SELENOO: variants seen among roughly 807,000 people sequenced by gnomAD.
The protein encoded by SELENOO is protein adenylyltransferase SelO, mitochondrial.
A neutral mutation model predicts 58.7 loss-of-function variants in SELENOO; 74 were observed. That is an observed-to-expected ratio of 1.26 (90% CI 1.04 to 1.53). The LOEUF is 1.53. Ranked by LOEUF, SELENOO falls within the 40% of genes most tolerant of loss-of-function variation. The probability of loss-of-function intolerance (pLI) is 0.00; values close to 1 mark genes in which losing one functional copy is unlikely to be tolerated. For synonymous variants in SELENOO, 543 were observed against 453.2 expected, an observed-to-expected ratio of 1.20 and a Z score of -2.52; for missense variants, 1,149 against 970.0, an observed-to-expected ratio of 1.18 and a Z score of -2.45.
At position 50,201,078 on chromosome 22, in the gene SELENOO, T is replaced by G. The variant is rs2064294879; in HGVS notation, c.42T>G (p.Ala14=). Reference sequence around the variant, plus strand: ...CAGCGCTCGGGGCTTCGCTCGCGGCTGCCCGACTCTTGCCCCTCGGTCGCT... The same window carrying G: ...CAGCGCTCGGGGCTTCGCTCGCGGCGGCCCGACTCTTGCCCCTCGGTCGCT... ...YRAALGASLA[A]ARLLPLGRCS... is the part of the protein sequence containing the mutation. The change falls in exon 1 of 9, where the codon GCT becomes GCG. Residue 14 remains alanine, a synonymous_variant. Coordinates refer to ENST00000380903, the MANE Select transcript of SELENOO (RefSeq NM_031454.2). 6 of 1,365,166 alleles carry G rather than the reference T, an allele frequency of 4.4e-6. No homozygotes were observed. The highest frequency in any genetic ancestry group is 5.7e-6 in the Non-Finnish European group (6 of 1,059,048). The allele number at this position is 1,365,166 out of a possible 1,614,324, so 84.6% of individuals were successfully genotyped here.
chr22:50,204,080 C>T (rs1001040290), intron 1 of SELENOO, among the ~76,000 whole-genome samples: 4 of 152,208 alleles, frequency 2.6e-5, no homozygotes, highest in Non-Finnish European at 4.4e-5. Flanking sequence ...GAGTTTATAA[C>T]ATGAGAAGAC....
chr22:50,201,102 C>G lies in SELENOO; in HGVS notation c.66C>G (p.Arg22=), dbSNP rs1395250340. ...LAAARLLPLG[R]CSPSPAPRST... ...CTGCCCGACTCTTGCCCCTCGGTCGCTGTTCCCCGTCGCCGGCGCCCCGCT... is the reference window on the plus strand; with the variant it reads ...CTGCCCGACTCTTGCCCCTCGGTCGGTGTTCCCCGTCGCCGGCGCCCCGCT... The change falls in exon 1 of 9, where the codon CGC becomes CGG. Residue 22 remains arginine (R), a synonymous_variant. Coordinates refer to ENST00000380903, the MANE Select transcript of SELENOO (RefSeq NM_031454.2). 2 of 1,352,600 alleles carry G rather than the reference C, an allele frequency of 1.5e-6. No individual in the cohort carries two copies. Among genetic ancestry groups the G allele is most frequent in the East Asian group, 3.1e-5 (1 of 32,144 alleles). 83.8% of individuals were successfully genotyped at this position (1,352,600 alleles called of 1,614,324 possible).
rs192923136 is a variant in SELENOO at position 50,204,656 on chromosome 22, C to G, written c.555-1661C>G. Among the ~76,000 whole-genome samples the G allele has an allele frequency of 2.0e-5, 3 of 151,840 alleles. 1 individual carries two copies. The highest frequency in any genetic ancestry group is 3.4e-3 in the Middle Eastern group (1 of 292). ...AAAAATCGTAAGTTAAAAAGTGTTG[C>G]GGCTGTGGAGAAATTGGAACCCTTC... On this transcript the variant is annotated intron_variant, in intron 1 of 8. Transcript: ENST00000380903.
Position 50,210,697 on chromosome 22 carries a change from C to T in SELENOO, c.1137C>T (p.Pro379=), listed in dbSNP as rs150909406. 1,242 of 1,613,380 alleles carry T rather than the reference C, an allele frequency of 7.7e-4. 6 individuals carry two copies. The African/African-American group carries it at 0.011, about 14-fold the overall frequency. Residue 379 remains proline, a synonymous_variant, in exon 5 of 9, where the codon CCC becomes CCT. Transcript: ENST00000380903. ...NTGRYAYSKQ[P]EVCRWNLRKL... ...GCCGCTACGCGTACAGCAAGCAGCC[C>T]GAGGTGTGCAGGTGGAACCTGCGGA...
intron 5 of SELENOO, among the ~76,000 whole-genome samples, chr22:50,213,651 G>T (rs1051281820): frequency 4.0e-5 from 6 of 151,722 alleles, no homozygotes; most frequent in East Asian, 3.9e-4. Context: ...TGTCTGGATG[G>T]TTTTTTTGTT....
Position 50,208,719 on chromosome 22 carries a change from C to A in SELENOO, c.939+3C>A. 1 of 1,610,220 alleles carries A rather than the reference C, an allele frequency of 6.2e-7. No homozygotes were observed. The highest frequency in any genetic ancestry group is 8.5e-7 in the Non-Finnish European group (1 of 1,178,454). On this transcript the variant is annotated splice_donor_region_variant and intron_variant, in intron 3 of 8. Transcript: ENST00000380903. ...GAAATGCTGCCTTCTTCCGGGAGGTCAGTGGGCCGCACGCCACCCCTCCCT... is the reference window on the plus strand; with the variant it reads ...GAAATGCTGCCTTCTTCCGGGAGGTAAGTGGGCCGCACGCCACCCCTCCCT...
rs1226873769 is a variant in SELENOO, at chr22:50,217,385, C to T, written c.*16C>T. The T allele has an allele frequency of 1.9e-6, 3 of 1,611,862 alleles. No homozygotes were observed. Among genetic ancestry groups the T allele is most frequent in the African/African-American group, 2.7e-5 (2 of 74,872 alleles). ...ATCTTCGTAACGGCCTCGGCACGCT[C>T]CACACCCCTGGAGTCTCCCGAGGCC... is the stretch of plus-strand genomic sequence containing the variant. On this transcript the variant is annotated 3_prime_UTR_variant, in exon 9 of 9. Transcript: ENST00000380903.
chr22:50,201,411 C>T lies in SELENOO; in HGVS notation c.375C>T (p.Ser125=), dbSNP rs1230900042. The change falls in exon 1 of 9, where the codon AGC becomes AGT. Residue 125 remains serine (S), a synonymous_variant. Coordinates refer to ENST00000380903, the MANE Select transcript of SELENOO (RefSeq NM_031454.2). ...AGGCCGAGGCCGCGCTGTTCTTCAG[C>T]GGCAACGCGCTCCTGCCGGGCGCCG... ...EAEAEAALFF[S]GNALLPGAEP... 5 of 1,343,170 alleles carry T rather than the reference C, an allele frequency of 3.7e-6. No individual in the cohort carries two copies. The highest frequency in any genetic ancestry group is 2.8e-4 in the Middle Eastern group (1 of 3,604). 83.2% of individuals were successfully genotyped at this position (1,343,170 alleles called of 1,614,324 possible). A position where few individuals can be genotyped will look rare whatever the true frequency, so the allele number is the denominator to read the frequency against.
intron 6 of SELENOO, among the ~76,000 whole-genome samples, chr22:50,216,433 T>A (rs1024632518): frequency 1.3e-5 from 2 of 152,142 alleles, no homozygotes; most frequent in East Asian, 1.9e-4. Flanking sequence ...AGGTGGAGAC[T>A]CTCCAGCAGA....
In SELENOO at chr22:50,216,718, G is replaced by A. The variant is rs778928483; in HGVS notation, c.1530G>A (p.Ala510=). Residue 510 remains alanine (A), a synonymous_variant, in exon 7 of 9, where the codon GCG becomes GCA. Transcript: ENST00000380903. ...AGCTATCCATGATGCTGATGCTGGCGCAGTCAAACCCGCAGCTGTTCGCGC... is the reference window on the plus strand; with the variant it reads ...AGCTATCCATGATGCTGATGCTGGCACAGTCAAACCCGCAGCTGTTCGCGC... The part of the protein sequence containing the change: ...PRQLSMMLML[A]QSNPQLFALM... 50 of 1,600,004 alleles carry A rather than the reference G, an allele frequency of 3.1e-5. No homozygotes were observed. Among genetic ancestry groups the A allele is most frequent in the Admixed American group, 2.9e-4 (17 of 58,778 alleles).
chr22:50,203,185 G>A (rs1194223283), intron 1 of SELENOO, among the ~76,000 whole-genome samples: 1 of 152,162 alleles, frequency 6.6e-6, no homozygotes, highest in Non-Finnish European at 1.5e-5. Flanking sequence ...ACCAGCCTGG[G>A]AAACAGCAAG....
chr22:50,212,520 G>C (rs2064377531), intron 5 of SELENOO, among the ~76,000 whole-genome samples: 1 of 152,226 alleles, frequency 6.6e-6, no homozygotes, highest in South Asian at 2.1e-4. Flanking sequence ...GCACATCACA[G>C]CTGACGCAGG....
At chr22:50,211,366 C>A (rs918115786) in intron 5 of SELENOO, among the ~76,000 whole-genome samples, 3 of 152,142 alleles carry the variant, frequency 2.0e-5, no homozygotes, top group Admixed American at 2.0e-4. Context: ...GTGGGGTGTA[C>A]AGGTGGTAGG....
chr22:50,210,276 C>T lies in SELENOO; in HGVS notation c.1035C>T (p.Leu345=). The T allele has an allele frequency of 6.2e-7, 1 of 1,613,344 alleles. No individual in the cohort carries two copies. Among genetic ancestry groups the T allele is most frequent in the South Asian group, 1.1e-5 (1 of 91,080 alleles). The stretch of plus-strand genomic sequence containing the variant: ...CCGACAACATGAGCATCCTGGGGCT[C>T]ACCATCGACTACGGGCCCTTTGGCT... The part of the protein sequence containing the change: ...LNTDNMSILG[L]TIDYGPFGFL... Residue 345 remains leucine (L), a synonymous_variant, in exon 4 of 9, where the codon CTC becomes CTT. Coordinates refer to ENST00000380903, the MANE Select transcript of SELENOO (RefSeq NM_031454.2).
Position 50,215,862 on chromosome 22 carries a change from TC to T in SELENOO, c.1501del (p.Arg501GlyfsTer5). 6.2e-7 allele frequency: 1 copy of T among 1,606,470 alleles called. No individual in the cohort carries two copies. The highest frequency in any genetic ancestry group is 8.5e-7 in the Non-Finnish European group (1 of 1,174,762). On this transcript the variant is annotated frameshift_variant, in exon 6 of 9. Coordinates refer to ENST00000380903, the MANE Select transcript of SELENOO (RefSeq NM_031454.2). LOFTEE classifies it high-confidence loss of function. ...LRLAFRPQMD[P>X]RQLSMMLMLA... The stretch of plus-strand genomic sequence containing the variant: ...GGCTGGCCTTCCGGCCCCAGATGGA[TC>T]CCCGGTGGGTACTCAGTTCCTACTT...
chr22:50,216,923 G>T, intron 7 of SELENOO, 47 bp downstream of exon 7: 1 of 1,602,624 alleles, frequency 6.2e-7, no homozygotes, highest in Non-Finnish European at 8.5e-7. Flanking sequence ...GTCGCGTGCT[G>T]GAAAAAGTCC....
chr22:50,207,739 A>C (rs2064341808), intron 2 of SELENOO, among the ~76,000 whole-genome samples: 2 of 140,488 alleles, frequency 1.4e-5, no homozygotes, highest in Admixed American at 1.5e-4. Context: ...ACAACGAAAA[A>C]TGTGTCCAGA....
intron 5 of SELENOO, 54 bp from the exon 6 acceptor site, chr22:50,215,663 G>A (rs2064401956): frequency 6.7e-7 from 1 of 1,490,752 alleles, no homozygotes. Flanking sequence ...TGTGGCACCA[G>A]GACAGGGACC....
Position 50,201,394 on chromosome 22 carries a change from G to A in SELENOO, c.358G>A (p.Ala120Thr), listed in dbSNP as rs1424845203. The A allele has an allele frequency of 1.5e-6, 2 of 1,299,126 alleles. No homozygotes were observed. The highest frequency in any genetic ancestry group is 3.7e-5 in the Admixed American group (1 of 27,128). The allele number at this position is 1,299,126 out of a possible 1,614,324, so 80.5% of individuals were successfully genotyped here. The change falls in exon 1 of 9, where the codon GCC (alanine) becomes ACC (threonine). Residue 120 changes from alanine (A) to threonine (T), a missense_variant. By Grantham distance (58) the Ala-to-Thr change is moderately conservative. Coordinates refer to ENST00000380903, the MANE Select transcript of SELENOO (RefSeq NM_031454.2). Reference protein sequence around the residue: ...APPAREAEAEAALFFSGNALL... With the variant: ...APPAREAEAETALFFSGNALL... ...GCCCGCGCGCGAGGCCGAGGCCGAGGCCGCGCTGTTCTTCAGCGGCAACGC... is the reference window on the plus strand; with the variant it reads ...GCCCGCGCGCGAGGCCGAGGCCGAGACCGCGCTGTTCTTCAGCGGCAACGC...
Sources: allele counts gnomAD v4.1 joint callset (sites outside exome capture counted in the v4.1 genomes callset), GRCh38; gene constraint gnomAD v4.1.1; transcripts MANE v1.5; gene names NCBI Gene and HGNC (gene_info 2026-07-23, HGNC 2026-07-21).